Variants in ZNF462 observed in about 807,000 individuals in gnomAD.
The protein encoded by ZNF462 is zinc finger PBX1-interacting protein.
Under a neutral mutation model 201.9 loss-of-function variants are expected in ZNF462, and 10 were observed. That is an observed-to-expected ratio of 0.05 (90% CI 0.03 to 0.08). ZNF462 has a LOEUF of 0.08. ZNF462 is among the 10% of genes least tolerant of loss of function. The pLI, the probability that ZNF462 is intolerant of heterozygous loss-of-function variation, is 1.00. For missense variants in ZNF462, 2,523 were observed against 3,168.3 expected, an observed-to-expected ratio of 0.80 and a Z score of 4.89; for synonymous variants, 1,227 against 1,193.3, an observed-to-expected ratio of 1.03 and a Z score of -0.58.
intron 1 of ZNF462, among the ~76,000 whole-genome samples, chr9:106,863,788 T>A (rs903553107): frequency 8.0e-5 from 11 of 138,364 alleles, no homozygotes; most frequent in Admixed American, 7.4e-4. Context: ...TTAGGACGGA[T>A]GCTCCGAGTG....
rs1283463864 is a variant in ZNF462 at position 107,011,669 on chromosome 9, AAG to A, written c.*642_*643del. On this transcript the variant is annotated 3_prime_UTR_variant, in exon 13 of 13. Coordinates refer to ENST00000277225, the MANE Select transcript of ZNF462 (RefSeq NM_021224.6). This position sits in a 1 kb window ranked among gnomAD's most constrained non-coding sequence, Gnocchi z 5.6. The stretch of plus-strand genomic sequence containing the variant: ...GCAAGATGGTGAATGGAGAAAAAAA[AAG>A]AGTTTTAAAGAAAGGAACACAAATT... The A allele has an allele frequency of 6.6e-6, 1 of 152,156 alleles. No individual in the cohort carries two copies. Among genetic ancestry groups the A allele is most frequent in the African/African-American group, 2.4e-5 (1 of 41,450 alleles). The allele number at this position is 152,156 out of a possible 1,614,324, so 9.4% of individuals were successfully genotyped here.
rs1272615104 is a variant in ZNF462 at position 106,963,591 on chromosome 9, A to G, written c.6428-8414A>G. On this transcript the variant is annotated intron_variant, in intron 7 of 12. Coordinates refer to ENST00000277225, the MANE Select transcript of ZNF462 (RefSeq NM_021224.6). This position sits in a 1 kb window ranked among gnomAD's most constrained non-coding sequence, Gnocchi z 4.7. ...TCTAATGGATATTTTCTTAAGTACC[A>G]TCATTAAGTATTTATGGTGATAATT... 6.6e-6 allele frequency among the ~76,000 whole-genome samples: 1 copy of G among 152,042 alleles called. No homozygotes were observed. Among genetic ancestry groups the G allele is most frequent in the Non-Finnish European group, 1.5e-5 (1 of 67,984 alleles).
intron 7 of ZNF462, among the ~76,000 whole-genome samples, chr9:106,971,715 T>C (rs1044096823): frequency 2.0e-5 from 3 of 152,158 alleles, no homozygotes; most frequent in Admixed American, 6.5e-5. Flanking sequence ...ATTTGTGTGG[T>C]GTACTTGAAA....
intron 1 of ZNF462, among the ~76,000 whole-genome samples, chr9:106,901,456 G>T (rs1342827169): frequency 6.6e-6 from 1 of 152,158 alleles, no homozygotes; most frequent in Non-Finnish European, 1.5e-5. Flanking sequence ...TGTGAAGAAT[G>T]ATGGTGGTAT....
At chr9:106,937,119 A>G (rs1214448771) in intron 6 of ZNF462, among the ~76,000 whole-genome samples, 3 of 152,156 alleles carry the variant, frequency 2.0e-5, no homozygotes, top group Non-Finnish European at 4.4e-5. Flanking sequence ...AGAAAAGGTA[A>G]TGTGTGCTAA....
intron 7 of ZNF462, among the ~76,000 whole-genome samples, chr9:106,956,141 A>G (rs933049337): frequency 2.6e-5 from 4 of 152,312 alleles, no homozygotes; most frequent in South Asian, 2.1e-4. Context: ...AAGAATCACT[A>G]TCTATGGCAA....
intron 1 of ZNF462, among the ~76,000 whole-genome samples, chr9:106,904,621 A>G (rs1200104209): frequency 6.6e-6 from 1 of 152,028 alleles, no homozygotes; most frequent in African/African-American, 2.4e-5. Flanking sequence ...TGTTTTGTTC[A>G]TATTTTCTTA....
rs1225601984 is a variant in ZNF462, at chr9:107,009,762, A to G, written c.7313+94A>G. The G allele has an allele frequency of 1.3e-6, 2 of 1,544,342 alleles. No homozygotes were observed. Among genetic ancestry groups the G allele is most frequent in the Non-Finnish European group, 1.8e-6 (2 of 1,138,168 alleles). ...TTTTGGTTCCCCTGACAGTATGTAC[A>G]CCCCTCTGTGTCACATTTCTGGGCC... On this transcript the variant is annotated intron_variant, in intron 12 of 12. Coordinates refer to ENST00000277225, the MANE Select transcript of ZNF462 (RefSeq NM_021224.6). The surrounding 1 kb of genome is among the most constrained non-coding windows in gnomAD (Gnocchi z 6.1).
chr9:106,883,533 G>A lies in ZNF462; in HGVS notation c.-31+20178G>A, dbSNP rs573062868. Among the ~76,000 whole-genome samples, 2 of 152,290 alleles carry A rather than the reference G, an allele frequency of 1.3e-5. No individual in the cohort carries two copies. The highest frequency in any genetic ancestry group is 2.1e-4 in the South Asian group (1 of 4,828). On this transcript the variant is annotated intron_variant, in intron 1 of 12. Coordinates refer to ENST00000277225, the MANE Select transcript of ZNF462 (RefSeq NM_021224.6). The surrounding 1 kb of genome is among the most constrained non-coding windows in gnomAD (Gnocchi z 4.9). ...AGAATACCGTATACATAAGGCCTGC[G>A]TCATTAGTTCATTTTTCAGTGAATG...
Position 106,925,333 on chromosome 9 carries a change from A to C in ZNF462, c.1421A>C (p.Glu474Ala), listed in dbSNP as rs1014503676. 6.2e-7 allele frequency: 1 copy of C among 1,614,078 alleles called. No homozygotes were observed. Among genetic ancestry groups the C allele is most frequent in the African/African-American group, 1.3e-5 (1 of 74,918 alleles). ...SGKTAVYKCD[E>A]CPFTCKSSLK... is the part of the protein sequence containing the mutation. The stretch of plus-strand genomic sequence containing the variant: ...AAGACAGCTGTCTACAAATGTGACG[A>C]ATGTCCGTTTACTTGCAAGAGCTCG... Residue 474 changes from glutamate to alanine, a missense_variant, in exon 3 of 13, where the codon GAA becomes GCA. Physicochemically the swap from Glu to Ala is moderately radical, Grantham distance 107. This residue lies in a region of ZNF462 where 383 missense variants were observed against 453.4 expected (regional missense o/e 0.84). Transcript: ENST00000277225. The surrounding 1 kb of genome is among the most constrained non-coding windows in gnomAD (Gnocchi z 7.9).
In ZNF462 at chr9:106,917,779, G is replaced by C. The variant is rs1183355216; in HGVS notation, c.-30-5575G>C. Among the ~76,000 whole-genome samples the C allele has an allele frequency of 6.6e-6, 1 of 151,980 alleles. No homozygotes were observed. Among genetic ancestry groups the C allele is most frequent in the Non-Finnish European group, 1.5e-5 (1 of 68,018 alleles). The stretch of plus-strand genomic sequence containing the variant: ...AATCTGTAGTAGTACCAAATGCTAT[G>C]GGATTGTTGGAGGTAGCTTGTTGTT... On this transcript the variant is annotated intron_variant, in intron 1 of 12. Coordinates refer to ENST00000277225, the MANE Select transcript of ZNF462 (RefSeq NM_021224.6). The surrounding 1 kb of genome is among the most constrained non-coding windows in gnomAD (Gnocchi z 4.5).
At chr9:106,936,446 A>T (rs1830635627) in intron 6 of ZNF462, among the ~76,000 whole-genome samples, 1 of 152,148 alleles carries the variant, frequency 6.6e-6, no homozygotes, top group Non-Finnish European at 1.5e-5. Context: ...GCTCTGTGTA[A>T]ACAGGACCAT....
Position 106,883,177 on chromosome 9 carries a change from T to C in ZNF462, c.-31+19822T>C, listed in dbSNP as rs777742956. ...AGTCCCAACCTCACTGAAGGACATA[T>C]TCTGAAGAGCCAGCTCATTAAGCAA... On this transcript the variant is annotated intron_variant, in intron 1 of 12. Coordinates refer to ENST00000277225, the MANE Select transcript of ZNF462 (RefSeq NM_021224.6). The surrounding 1 kb of genome is among the most constrained non-coding windows in gnomAD (Gnocchi z 4.9). Among the ~76,000 whole-genome samples the C allele has an allele frequency of 1.3e-5, 2 of 152,210 alleles. No individual in the cohort carries two copies. Among genetic ancestry groups the C allele is most frequent in the Admixed American group, 6.5e-5 (1 of 15,280 alleles).
At chr9:106,864,182 C>G (rs888840912) in intron 1 of ZNF462, among the ~76,000 whole-genome samples, 1 of 147,920 alleles carries the variant, frequency 6.8e-6, no homozygotes, top group Non-Finnish European at 1.5e-5. Flanking sequence ...GGTGCCGGTG[C>G]TGCTGGTGAA....
chr9:106,887,953 T>C (rs986429462), intron 1 of ZNF462, among the ~76,000 whole-genome samples: 1 of 152,162 alleles, frequency 6.6e-6, no homozygotes, highest in Non-Finnish European at 1.5e-5. Context: ...ATGTGGGAGA[T>C]AAATGTGCCT....
Position 106,978,978 on chromosome 9 carries a change from G to T in ZNF462, c.6832+4705G>T. The stretch of plus-strand genomic sequence containing the variant: ...GTTAATGTGTGTGAAGGCAACAGTA[G>T]TGCAGATCTCCCTGTGGACTAGACA... On this transcript the variant is annotated intron_variant, in intron 9 of 12. Transcript: ENST00000277225. This position sits in a 1 kb window ranked among gnomAD's most constrained non-coding sequence, Gnocchi z 4.1. 3.9e-6 allele frequency: 1 copy of T among 256,628 alleles called. No homozygotes were observed. The highest frequency in any genetic ancestry group is 7.4e-6 in the Non-Finnish European group (1 of 135,042). The allele number at this position is 256,628 out of a possible 1,614,324, so 15.9% of individuals were successfully genotyped here. A position where few individuals can be genotyped will look rare whatever the true frequency, so the allele number is the denominator to read the frequency against.
Position 106,929,392 on chromosome 9 carries a change from G to A in ZNF462, c.5480G>A (p.Gly1827Asp). The part of the protein sequence containing the change: ...KPTLMEEEER[G>D]NFEKAEVEGE... ...ACACTGATGGAAGAAGAGGAGAGAGGCAACTTTGAGAAAGCCGAGGTGGAG... is the reference window on the plus strand; with the variant it reads ...ACACTGATGGAAGAAGAGGAGAGAGACAACTTTGAGAAAGCCGAGGTGGAG... Residue 1827 changes from glycine to aspartate, a missense_variant, in exon 3 of 13, where the codon GGC (glycine) becomes GAC (aspartate). Physicochemically the swap from Gly to Asp is moderately conservative, Grantham distance 94 (BLOSUM62 -1). This residue lies in a region of ZNF462 where 207 missense variants were observed against 231.6 expected (regional missense o/e 0.89). Transcript: ENST00000277225. The surrounding 1 kb of genome is among the most constrained non-coding windows in gnomAD (Gnocchi z 8.7). 6.2e-7 allele frequency: 1 copy of A among 1,614,084 alleles called. No individual in the cohort carries two copies. Among genetic ancestry groups the A allele is most frequent in the South Asian group, 1.1e-5 (1 of 91,074 alleles).
chr9:106,884,190 T>C (rs1828221749), intron 1 of ZNF462, among the ~76,000 whole-genome samples: 1 of 152,086 alleles, frequency 6.6e-6, no homozygotes, highest in Non-Finnish European at 1.5e-5. Context: ...ATTCATTAGG[T>C]CTAGGGTAGG....
Position 106,926,688 on chromosome 9 carries a change from C to T in ZNF462, c.2776C>T (p.Arg926Trp), listed in dbSNP as rs773088263. Residue 926 changes from arginine to tryptophan, a missense_variant, in exon 3 of 13, where the codon CGG becomes TGG. Coordinates refer to ENST00000277225, the MANE Select transcript of ZNF462 (RefSeq NM_021224.6). This position sits in a 1 kb window ranked among gnomAD's most constrained non-coding sequence, Gnocchi z 7.9. ...LNFDHSDLIYRCRFCSYTSPN... is the reference protein window; with the variant it reads ...LNFDHSDLIYWCRFCSYTSPN... ...CTTTGATCACTCGGACCTGATCTAC[C>T]GGTGTCGGTTTTGTTCATACACGAG... 43 of 1,613,930 alleles carry T rather than the reference C, an allele frequency of 2.7e-5. No homozygotes were observed. Among genetic ancestry groups the T allele is most frequent in the East Asian group, 4.5e-5 (2 of 44,890 alleles).
Sources: allele counts gnomAD v4.1 joint callset (sites outside exome capture counted in the v4.1 genomes callset), GRCh38; gene constraint gnomAD v4.1.1; regional missense constraint gnomAD v4.1.1; non-coding constraint Gnocchi (gnomAD v3.1); transcripts MANE v1.5; gene names NCBI Gene and HGNC (gene_info 2026-07-23, HGNC 2026-07-21).